GPR4: variants seen among roughly 807,000 people sequenced by gnomAD.
The protein encoded by GPR4 is G protein-coupled receptor 4.
Under a neutral mutation model 17.8 loss-of-function variants are expected in GPR4, and 11 were observed. The ratio of observed to expected loss-of-function variants is 0.62; its 90% CI spans 0.39 to 1.02. The LOEUF (loss-of-function observed/expected upper bound fraction) is 1.02. GPR4 is among the 50% of genes least tolerant of loss of function. GPR4 has a pLI of 0.00. For missense variants in GPR4, 364 were observed against 495.4 expected (o/e 0.73, Z 2.52); for synonymous variants, 219 against 222.8 (o/e 0.98, Z 0.15).
chr19:45,601,341 C>G (rs1353866529), intron 1 of GPR4, among the ~76,000 whole-genome samples: 1 of 152,134 alleles, frequency 6.6e-6, no homozygotes, highest in Non-Finnish European at 1.5e-5. Flanking sequence ...GGTGACCCAG[C>G]CAAATCCTGG....
At chr19:45,601,978 G>C (rs896504974) in intron 1 of GPR4, 117 bp downstream of exon 1, 1 of 152,552 alleles carries the variant, frequency 6.6e-6, no homozygotes. Flanking sequence ...GCACCGAGAC[G>C]GCGCGGGAGA....
At chr19:45,600,471 T>G (rs1285829859) in intron 1 of GPR4, among the ~76,000 whole-genome samples, 1 of 152,068 alleles carries the variant, frequency 6.6e-6, no homozygotes, top group Non-Finnish European at 1.5e-5. Context: ...TTTGGAAATA[T>G]TTTCTCTCCT....
At chr19:45,594,061 AAAAT>A (rs1396832674) in intron 1 of GPR4, among the ~76,000 whole-genome samples, 1,029 of 39,914 alleles carry the variant, frequency 0.026, 9 homozygotes, top group East Asian at 0.067. Context: ...AAAAAAAAAA[AAAAT>A]ATATATATAT....
Position 45,590,834 on chromosome 19 carries a change from T to C in GPR4, c.1033A>G (p.Thr345Ala). ...AKAMTGSWAA[T>A]PPSQGDQVQL... is the part of the protein sequence containing the mutation. ...ACCTGGTCCCCCTGGGAGGGCGGAGTGGCCGCCCAGCTGCCAGTCATGGCT... is the reference window on the plus strand; with the variant it reads ...ACCTGGTCCCCCTGGGAGGGCGGAGCGGCCGCCCAGCTGCCAGTCATGGCT... Residue 345 changes from threonine to alanine, a missense_variant, in exon 2 of 2, where the codon ACT (threonine) becomes GCT (alanine). Transcript: ENST00000323040. 6.2e-7 allele frequency: 1 copy of C among 1,609,498 alleles called. No homozygotes were observed. Among genetic ancestry groups the C allele is most frequent in the Non-Finnish European group, 8.5e-7 (1 of 1,177,252 alleles).
intron 1 of GPR4, 22 bp from the exon 2 acceptor site, chr19:45,592,719 G>A (rs1970011131): frequency 6.0e-6 from 1 of 166,602 alleles, no homozygotes; most frequent in South Asian, 2.1e-4. Flanking sequence ...GAGGACAGCA[G>A]TGAGGGAGTC....
Position 45,591,270 on chromosome 19 carries a change from C to T in GPR4, c.597G>A (p.Leu199=). The change falls in exon 2 of 2, where the codon CTG becomes CTA. Residue 199 remains leucine (L), a synonymous_variant. Transcript: ENST00000323040. The surrounding 1 kb of genome is among the most constrained non-coding windows in gnomAD (Gnocchi z 7.6). ...CGGCCCGCAGGATGCCCCGGTACGA[C>T]AGCAGCATGAGCGCCCACGGGAAGA... ...GFLFPWALML[L]SYRGILRAVR... The T allele has an allele frequency of 1.2e-6, 2 of 1,613,132 alleles. No homozygotes were observed. The highest frequency in any genetic ancestry group is 1.7e-6 in the Non-Finnish European group (2 of 1,179,934).
At chr19:45,596,090 C>T (rs1970055204) in intron 1 of GPR4, among the ~76,000 whole-genome samples, 1 of 152,202 alleles carries the variant, frequency 6.6e-6, no homozygotes, top group African/African-American at 2.4e-5. Flanking sequence ...GCATCAGCGT[C>T]ATCACTCGCT....
rs1178953892 is a variant in GPR4 at position 45,594,064 on chromosome 19, ATAT to A, written c.-831-1370_-831-1368del. ...CCTGGCTTAAAAAAAAAAAAAAAAA[ATAT>A]ATATATATATATATATATATATATA... On this transcript the variant is annotated intron_variant, in intron 1 of 1. Transcript: ENST00000323040. 3.2e-3 allele frequency among the ~76,000 whole-genome samples: 89 copies of A among 28,210 alleles called. No individual in the cohort carries two copies. In the South Asian group the frequency reaches 0.036, roughly 11 times the overall value. 18.5% of individuals were successfully genotyped at this position (28,210 alleles called of 152,430 possible).
In GPR4 at chr19:45,597,852, G is replaced by T. The variant is rs546680622; in HGVS notation, c.-832+4243C>A. On this transcript the variant is annotated intron_variant, in intron 1 of 1. Transcript: ENST00000323040. ...TCCGCTTCTTAATTGACTTTGAAAGGTCAGGGCTGAGTCGTGCTCAGTAAG... is the reference window on the plus strand; with the variant it reads ...TCCGCTTCTTAATTGACTTTGAAAGTTCAGGGCTGAGTCGTGCTCAGTAAG... Among the ~76,000 whole-genome samples the T allele has an allele frequency of 3.3e-5, 5 of 152,214 alleles. No homozygotes were observed. The East Asian group carries it at 9.7e-4, about 29-fold the overall frequency.
Position 45,600,475 on chromosome 19 carries a change from C to T in GPR4, c.-832+1620G>A, listed in dbSNP as rs558934034. ...ACCACCATGGTTTTGGAAATATTTT[C>T]TCTCCTCTGCTTCTAAAACCCTCCC... is the stretch of plus-strand genomic sequence containing the variant. On this transcript the variant is annotated intron_variant, in intron 1 of 1. Transcript: ENST00000323040. 9.2e-5 allele frequency among the ~76,000 whole-genome samples: 14 copies of T among 152,200 alleles called. No individual in the cohort carries two copies. In the East Asian group the frequency reaches 2.7e-3, roughly 29 times the overall value.
At chr19:45,595,363 GGGAACCAAAGCTGCAGA>G (rs1970047683) in intron 1 of GPR4, among the ~76,000 whole-genome samples, 1 of 152,014 alleles carries the variant, frequency 6.6e-6, no homozygotes, top group East Asian at 1.9e-4. Context: ...AGTGGGGACT[GGGAACCAAAGCTGCAGA>G]GGAGTAAGGG....
chr19:45,590,158 G>C lies in GPR4; in HGVS notation c.*620C>G, dbSNP rs573087000. The C allele has an allele frequency of 1.3e-5, 2 of 151,528 alleles. No homozygotes were observed. The highest frequency in any genetic ancestry group is 4.9e-5 in the African/African-American group (2 of 41,186). The allele number at this position is 151,528 out of a possible 1,614,324, so 9.4% of individuals were successfully genotyped here. On this transcript the variant is annotated 3_prime_UTR_variant, in exon 2 of 2. Coordinates refer to ENST00000323040, the MANE Select transcript of GPR4 (RefSeq NM_005282.3). ...TGCATTTCTCCTTCCACTTTCCCCCGAGTCACAGACTTTTATCCACTTGTT... is the reference window on the plus strand; with the variant it reads ...TGCATTTCTCCTTCCACTTTCCCCCCAGTCACAGACTTTTATCCACTTGTT...
rs1970105643 is a variant in GPR4, at chr19:45,601,016, C to T, written c.-832+1079G>A. On this transcript the variant is annotated intron_variant, in intron 1 of 1. Coordinates refer to ENST00000323040, the MANE Select transcript of GPR4 (RefSeq NM_005282.3). ...CTGGGATTCCCCCAGAAAAGAAAAC[C>T]TCCTCATCCTCACCCCAAACCTGAA... Among the ~76,000 whole-genome samples the T allele has an allele frequency of 2.0e-5, 3 of 152,132 alleles. No individual in the cohort carries two copies. The South Asian group carries it at 6.2e-4, about 31-fold the overall frequency.
At chr19:45,594,841 G>C (rs1421150240) in intron 1 of GPR4, among the ~76,000 whole-genome samples, 1 of 144,028 alleles carries the variant, frequency 6.9e-6, no homozygotes, top group African/African-American at 2.6e-5. Context: ...AAATTAGCTG[G>C]GCGTGGTGGC....
chr19:45,600,011 A>G (rs1334331776), intron 1 of GPR4, among the ~76,000 whole-genome samples: 1 of 152,182 alleles, frequency 6.6e-6, no homozygotes, highest in African/African-American at 2.4e-5. Flanking sequence ...AACATACACT[A>G]AATACGGTGA....
In GPR4 at chr19:45,591,949, C is replaced by T; in HGVS notation, c.-83G>A. 6.9e-7 allele frequency: 1 copy of T among 1,441,372 alleles called. No homozygotes were observed. Among genetic ancestry groups the T allele is most frequent in the Non-Finnish European group, 9.3e-7 (1 of 1,075,114 alleles). The allele number at this position is 1,441,372 out of a possible 1,614,324, so 89.3% of individuals were successfully genotyped here. A position where few individuals can be genotyped will look rare whatever the true frequency, so the allele number is the denominator to read the frequency against. ...AGGGAGCGGGAGGCCATGGGGCCCC[C>T]TGAGCCCCTTCCTTGGAGGCTCAGG... On this transcript the variant is annotated 5_prime_UTR_variant, in exon 2 of 2. Coordinates refer to ENST00000323040, the MANE Select transcript of GPR4 (RefSeq NM_005282.3). This position sits in a 1 kb window ranked among gnomAD's most constrained non-coding sequence, Gnocchi z 7.6.
chr19:45,599,864 G>T (rs1970095670), intron 1 of GPR4: 1 of 152,076 alleles, frequency 6.6e-6, no homozygotes, highest in Non-Finnish European at 1.5e-5. Flanking sequence ...AGATTCGAAA[G>T]TTCTATTGTT....
rs760083666 is a variant in GPR4, at chr19:45,591,487, C to T, written c.380G>A (p.Arg127His). The change falls in exon 2 of 2, where the codon CGC (arginine) becomes CAC (histidine). Residue 127 changes from arginine (R) to histidine (H), a missense_variant. Physicochemically the swap from Arg to His is conservative, Grantham distance 29. This residue lies in a region of GPR4 where 271 missense variants were observed against 373.1 expected (regional missense o/e 0.73). Coordinates refer to ENST00000323040, the MANE Select transcript of GPR4 (RefSeq NM_005282.3). The surrounding 1 kb of genome is among the most constrained non-coding windows in gnomAD (Gnocchi z 7.6). The part of the protein sequence containing the change: ...LAVAHPLRFA[R>H]LRRVKTAVAV... ...CACGGCGGTCTTGACGCGGCGCAGG[C>T]GGGCGAAGCGGAGTGGGTGGGCCAC... 3.1e-6 allele frequency: 5 copies of T among 1,609,462 alleles called. No homozygotes were observed. The highest frequency in any genetic ancestry group is 4.2e-6 in the Non-Finnish European group (5 of 1,177,944).
rs1436879320 is a variant in GPR4, at chr19:45,593,914, C to T, written c.-831-1217G>A. On this transcript the variant is annotated intron_variant, in intron 1 of 1. Transcript: ENST00000323040. The stretch of plus-strand genomic sequence containing the variant: ...TTATTTTTTGAGACAGGGTCTTGCT[C>T]TTTTGTCCAGACTAGAATGCAGTAG... Among the ~76,000 whole-genome samples, 3 of 150,492 alleles carry T rather than the reference C, an allele frequency of 2.0e-5. No individual in the cohort carries two copies. In the East Asian group the frequency reaches 5.9e-4, roughly 29 times the overall value.
Sources: allele counts gnomAD v4.1 joint callset (sites outside exome capture counted in the v4.1 genomes callset), GRCh38; gene constraint gnomAD v4.1.1; regional missense constraint gnomAD v4.1.1; non-coding constraint Gnocchi (gnomAD v3.1); transcripts MANE v1.5; gene names NCBI Gene and HGNC (gene_info 2026-07-23, HGNC 2026-07-21).